FBXO25: variants seen among roughly 807,000 people sequenced by gnomAD.
The protein encoded by FBXO25 is F-box only protein 25.
Under a neutral mutation model 51.9 loss-of-function variants are expected in FBXO25, and 45 were observed. The ratio of observed to expected loss-of-function variants is 0.87; its 90% CI spans 0.68 to 1.11. FBXO25 has a LOEUF of 1.11. Among genes scored for constraint, FBXO25 ranks in the 50% most tolerant of loss-of-function variants. FBXO25 has a pLI of 0.00. For missense variants in FBXO25, 507 were observed against 428.5 expected (o/e 1.18, Z -1.62); for synonymous variants, 199 against 151.0 (o/e 1.32, Z -2.33).
At chr8:439,593 T>C (rs1798302921) in intron 5 of FBXO25, among the ~76,000 whole-genome samples, 1 of 152,252 alleles carries the variant, frequency 6.6e-6, no homozygotes, top group African/African-American at 2.4e-5. Context: ...TTTATTTTTA[T>C]GTTTTCATTT....
At chr8:435,237 C>G (rs1484175667) in intron 4 of FBXO25, among the ~76,000 whole-genome samples, 3 of 152,086 alleles carry the variant, frequency 2.0e-5, no homozygotes, top group Non-Finnish European at 2.9e-5. Context: ...TGCAGTTAAT[C>G]AGGTGATTTA....
At position 468,798 on chromosome 8, in the gene FBXO25, G is replaced by A; in HGVS notation, c.1071G>A (p.Lys357=). The A allele has an allele frequency of 6.2e-7, 1 of 1,613,890 alleles. No homozygotes were observed. The highest frequency in any genetic ancestry group is 1.3e-5 in the African/African-American group (1 of 75,024). ...VSPQHFIDLF[K]F ...CGCAGCACTTCATCGACCTCTTCAA[G>A]TTTTAAGGGCTGCCCCTGCCATCCC... is the stretch of plus-strand genomic sequence containing the variant. The change falls in exon 10 of 10, where the codon AAG becomes AAA. Residue 357 remains lysine, a synonymous_variant. Coordinates refer to ENST00000350302, the MANE Select transcript of FBXO25 (RefSeq NM_183420.2).
chr8:411,409 G>C (rs1453133369), intron 1 of FBXO25, among the ~76,000 whole-genome samples: 2 of 151,900 alleles, frequency 1.3e-5, no homozygotes. Flanking sequence ...CCCTTAAATG[G>C]TGATGTTTCT....
intron 7 of FBXO25, among the ~76,000 whole-genome samples, chr8:451,683 G>C (rs1799108121): frequency 6.6e-6 from 1 of 152,186 alleles, no homozygotes; most frequent in Non-Finnish European, 1.5e-5. Flanking sequence ...CTGATCCTAT[G>C]GGTGATTAGA....
chr8:467,636 T>C (rs1174500003), intron 9 of FBXO25: 1 of 1,363,024 alleles, frequency 7.3e-7, no homozygotes, highest in Non-Finnish European at 1.0e-6. Context: ...TTAGATACAC[T>C]CTGGCTCTTT....
chr8:428,431 C>T (rs372863485), intron 2 of FBXO25, among the ~76,000 whole-genome samples: 2 of 151,842 alleles, frequency 1.3e-5, no homozygotes, highest in East Asian at 1.9e-4. Flanking sequence ...TAACACTTCC[C>T]GCCCCCACCC....
intron 2 of FBXO25, among the ~76,000 whole-genome samples, chr8:429,472 T>C (rs1797688082): frequency 6.6e-6 from 1 of 152,194 alleles, no homozygotes; most frequent in African/African-American, 2.4e-5. Flanking sequence ...AAAGAGAACA[T>C]GTTTGCTGTG....
At chr8:458,223 C>T in intron 7 of FBXO25, 146 bp from the exon 8 acceptor site, 1 of 843,164 alleles carries the variant, frequency 1.2e-6, no homozygotes, top group Non-Finnish European at 1.8e-6. Context: ...GGATGCAGGC[C>T]CCTTGACACC....
intron 5 of FBXO25, among the ~76,000 whole-genome samples, chr8:443,609 G>A (rs1798561034): frequency 6.6e-6 from 1 of 150,956 alleles, no homozygotes; most frequent in South Asian, 2.1e-4. Context: ...TGAGCTGTAG[G>A]AGGGGCGCTG....
intron 5 of FBXO25, among the ~76,000 whole-genome samples, chr8:442,241 A>G (rs2116659460): frequency 6.6e-6 from 1 of 152,264 alleles, no homozygotes; most frequent in South Asian, 2.1e-4. Flanking sequence ...GACTGAGCAT[A>G]CAAACCAACT....
At chr8:426,709 C>G (rs1340262388) in intron 2 of FBXO25, among the ~76,000 whole-genome samples, 3 of 151,166 alleles carry the variant, frequency 2.0e-5, no homozygotes, top group African/African-American at 7.3e-5. Flanking sequence ...GCATCTGAAG[C>G]TCTTTAAGAC....
Position 427,858 on chromosome 8 carries a change from A to G in FBXO25, c.135-3483A>G, listed in dbSNP as rs534619006. 4.6e-5 allele frequency among the ~76,000 whole-genome samples: 7 copies of G among 151,596 alleles called. No individual in the cohort carries two copies. The South Asian group carries it at 1.5e-3, about 32-fold the overall frequency. Reference sequence around the variant, plus strand: ...CCGGAGGCTTACCGTAGCCTGTCTTATTTTCCTAGACTTGTGTGGAAATGA... The same window carrying G: ...CCGGAGGCTTACCGTAGCCTGTCTTGTTTTCCTAGACTTGTGTGGAAATGA... On this transcript the variant is annotated intron_variant, in intron 2 of 9. Transcript: ENST00000350302.
intron 1 of FBXO25, 78 bp from the exon 2 acceptor site, chr8:412,995 A>T: frequency 9.8e-7 from 1 of 1,025,070 alleles, no homozygotes; most frequent in Non-Finnish European, 1.3e-6. Context: ...TTAATCTTTA[A>T]AATTAATAAA....
chr8:425,396 C>T (rs903680300), intron 2 of FBXO25, among the ~76,000 whole-genome samples: 1 of 150,760 alleles, frequency 6.6e-6, no homozygotes, highest in Non-Finnish European at 1.5e-5. Flanking sequence ...GCACTTGTAA[C>T]TTTCTTATTT....
At chr8:430,547 G>T (rs1797766071) in intron 2 of FBXO25, among the ~76,000 whole-genome samples, 1 of 151,910 alleles carries the variant, frequency 6.6e-6, no homozygotes, top group African/African-American at 2.4e-5. Context: ...TTAGTTCCTT[G>T]GATTTGAGCA....
At chr8:411,471 A>G (rs1292734018) in intron 1 of FBXO25, among the ~76,000 whole-genome samples, 1 of 151,486 alleles carries the variant, frequency 6.6e-6, no homozygotes, top group Non-Finnish European at 1.5e-5. Flanking sequence ...ATTCTGTGAT[A>G]TTATTTGTGT....
At chr8:451,086 C>A (rs1184396295) in intron 6 of FBXO25, 183 bp from the exon 7 acceptor site, 5 of 543,958 alleles carry the variant, frequency 9.2e-6, no homozygotes, top group African/African-American at 1.9e-5. Flanking sequence ...CAGGGTTCAT[C>A]CATGCTGAAT....
intron 2 of FBXO25, among the ~76,000 whole-genome samples, chr8:420,699 T>C (rs1797096104): frequency 1.3e-5 from 2 of 152,244 alleles, no homozygotes; most frequent in African/African-American, 4.8e-5. Context: ...CCATACTGTA[T>C]GATTCTATCT....
chr8:439,818 A>G (rs929177036), intron 5 of FBXO25, among the ~76,000 whole-genome samples: 1 of 152,208 alleles, frequency 6.6e-6, no homozygotes, highest in Non-Finnish European at 1.5e-5. Context: ...CTGCAATCCC[A>G]GCACTTTGGG....
Sources: allele counts gnomAD v4.1 joint callset (sites outside exome capture counted in the v4.1 genomes callset), GRCh38; gene constraint gnomAD v4.1.1; transcripts MANE v1.5; gene names NCBI Gene and HGNC (gene_info 2026-07-23, HGNC 2026-07-21).